Variants in PBRM1 observed in about 807,000 individuals in gnomAD.
The protein encoded by PBRM1 is protein polybromo-1.
Under a neutral mutation model 194.5 loss-of-function variants are expected in PBRM1, and 27 were observed. The observed-to-expected ratio is 0.14, with a 90% CI of 0.10 to 0.19. PBRM1 has a LOEUF of 0.19. PBRM1 is among the 10% of genes least tolerant of loss of function. PBRM1 has a pLI of 1.00. For synonymous variants in PBRM1, 655 were observed against 693.2 expected (o/e 0.94, Z 0.87); for missense variants, 1,466 against 2,077.2 (o/e 0.71, Z 5.72).
chr3:52,611,795 C>A lies in PBRM1; in HGVS notation c.1925-1840G>T, dbSNP rs77164585. On this transcript the variant is annotated intron_variant, in intron 15 of 29. Transcript: ENST00000296302. ...CTCCAGCCTGGGTGACAGAGTAAGA[C>A]CCTGTCTCCACAAAACAAAACAAAA... 1.4e-3 allele frequency among the ~76,000 whole-genome samples: 218 copies of A among 151,968 alleles called. 1 individual carries two copies. The highest frequency in any genetic ancestry group is 2.6e-3 in the Non-Finnish European group (177 of 67,962).
chr3:52,645,996 A>T (rs2096280212), intron 7 of PBRM1, among the ~76,000 whole-genome samples: 2 of 152,222 alleles, frequency 1.3e-5, no homozygotes, highest in Admixed American at 6.5e-5. Context: ...AAGATTAAAG[A>T]TTATATACAC....
At chr3:52,598,633 C>T (rs1329617590) in intron 17 of PBRM1, among the ~76,000 whole-genome samples, 2 of 152,072 alleles carry the variant, frequency 1.3e-5, no homozygotes, top group Non-Finnish European at 2.9e-5. Flanking sequence ...TCTGCAATCC[C>T]AGCACTTTGG....
chr3:52,644,810 G>C (rs2153733058), intron 7 of PBRM1, 21 bp from the exon 9 acceptor site: 1 of 1,238,360 alleles, frequency 8.1e-7, no homozygotes, highest in Non-Finnish European at 1.2e-6. Flanking sequence ...AAAATTACTT[G>C]GTTTAAAAAA....
At chr3:52,564,201 G>C (rs2084415433) in exon 23 of PBRM1, 3 of 1,613,688 alleles carry the variant, frequency 1.9e-6, no homozygotes, top group African/African-American at 2.7e-5. Context: ...CTGCAGGAGA[G>C]GAAGTCCTTG....
chr3:52,641,496 C>T (rs2153702983), intron 10 of PBRM1, among the ~76,000 whole-genome samples: 1 of 145,282 alleles, frequency 6.9e-6, no homozygotes, highest in Admixed American at 6.8e-5. Flanking sequence ...AAGAATATAC[C>T]AGAATAATTT....
At chr3:52,614,657 G>A (rs1309915386) in intron 15 of PBRM1, among the ~76,000 whole-genome samples, 4 of 147,386 alleles carry the variant, frequency 2.7e-5, no homozygotes, top group Non-Finnish European at 5.9e-5. Flanking sequence ...TGCAACCTCC[G>A]CCTCCCAGGT....
Position 52,643,371 on chromosome 3 carries a change from G to A in PBRM1, c.900-28C>T, listed in dbSNP as rs138751274. The A allele has an allele frequency of 3.9e-3, 5,707 of 1,474,126 alleles. 18 individuals carry two copies. The highest frequency in any genetic ancestry group is 5.0e-3 in the Non-Finnish European group (5,229 of 1,053,106). 91.3% of individuals were successfully genotyped at this position (1,474,126 alleles called of 1,614,324 possible). ...ATCCAGAGATAAGATAAAAAGCTTA[G>A]AAACTTGGTAGCTGAAATTAGAGTG... On this transcript the variant is annotated intron_variant, in intron 8 of 29. Transcript: ENST00000296302.
At chr3:52,547,640 G>C (rs2079846807), downstream of PBRM1, 1 of 233,574 alleles carries the variant, frequency 4.3e-6, no homozygotes, top group East Asian at 6.1e-5. Context: ...AAACTAATCT[G>C]TAAACTCTTG....
intron 13 of PBRM1, among the ~76,000 whole-genome samples, chr3:52,618,342 G>C (rs2095080554): frequency 6.6e-6 from 1 of 152,208 alleles, no homozygotes; most frequent in Non-Finnish European, 1.5e-5. Flanking sequence ...GGCTCCAAGA[G>C]AGCAGATGGT....
intron 3 of PBRM1, among the ~76,000 whole-genome samples, chr3:52,665,366 A>G (rs1270378653): frequency 6.6e-6 from 1 of 151,154 alleles, no homozygotes; most frequent in Admixed American, 6.6e-5. Context: ...GTCTTAGTAC[A>G]CTGCCTAGGC....
chr3:52,601,560 T>G, intron 17 of PBRM1, among the ~76,000 whole-genome samples: 1 of 150,130 alleles, frequency 6.7e-6, no homozygotes, highest in Admixed American at 6.6e-5. Context: ...CACCGGCTCC[T>G]GTGGAGCCCA....
At chr3:52,545,999 G>T (rs767106356), downstream of PBRM1, 3 of 233,122 alleles carry the variant, frequency 1.3e-5, no homozygotes, top group East Asian at 1.8e-4. Flanking sequence ...GTCTAGTGAT[G>T]CCCTGGGCCG....
intron 13 of PBRM1, among the ~76,000 whole-genome samples, chr3:52,618,302 G>C (rs1470501172): frequency 1.3e-5 from 2 of 152,100 alleles, no homozygotes; most frequent in African/African-American, 4.8e-5. Context: ...AAAGCATAAG[G>C]GACTATAGAT....
intron 22 of PBRM1, among the ~76,000 whole-genome samples, chr3:52,568,384 C>T (rs574893620): frequency 6.6e-6 from 1 of 152,300 alleles, no homozygotes; most frequent in African/African-American, 2.4e-5. Context: ...TGAGGAAAAT[C>T]AGATCTTTGT....
chr3:52,582,782 T>C (rs2091570069), intron 20 of PBRM1, among the ~76,000 whole-genome samples: 1 of 152,048 alleles, frequency 6.6e-6, no homozygotes, highest in African/African-American at 2.4e-5. Flanking sequence ...TGGAGCATAT[T>C]CTTTGCCATC....
At chr3:52,583,659 C>A (rs757210393) in intron 20 of PBRM1, among the ~76,000 whole-genome samples, 36 of 151,994 alleles carry the variant, frequency 2.4e-4, no homozygotes, top group Non-Finnish European at 4.6e-4. Context: ...GAAACAGTAA[C>A]CCTAGACTGT....
intron 22 of PBRM1, among the ~76,000 whole-genome samples, chr3:52,571,237 C>T (rs1429151305): frequency 4.0e-5 from 6 of 148,430 alleles, no homozygotes; most frequent in African/African-American, 9.9e-5. Flanking sequence ...GCAGGAGAAT[C>T]GCTTGAACCC....
chr3:52,587,679 G>T (rs977338391), intron 18 of PBRM1, among the ~76,000 whole-genome samples, 169 bp from the exon 21 acceptor site: 1 of 150,828 alleles, frequency 6.6e-6, no homozygotes, highest in South Asian at 2.1e-4. Context: ...TGAGTAGCTG[G>T]GACTACAAGT....
intron 17 of PBRM1, among the ~76,000 whole-genome samples, chr3:52,598,131 T>A (rs972889559): frequency 1.3e-4 from 20 of 151,926 alleles, no homozygotes; most frequent in African/African-American, 4.6e-4. Flanking sequence ...ATAATTCACC[T>A]ATTTAAAGTT....
Sources: gnomAD v4.1 joint callset for allele counts (sites outside exome capture counted in the v4.1 genomes callset) on GRCh38, gnomAD v4.1.1 for gene constraint, MANE v1.5 for transcripts, NCBI Gene and HGNC (gene_info 2026-07-23, HGNC 2026-07-21) for gene names.